Variants in PTPRD observed in about 807,000 individuals in gnomAD.
PTPRD encodes the protein receptor-type tyrosine-protein phosphatase delta.
In PTPRD, 34 loss-of-function variants were observed where a neutral mutation model predicts 214.5. That is an observed-to-expected ratio of 0.16 (90% CI 0.12 to 0.21). The LOEUF (loss-of-function observed/expected upper bound fraction) is 0.21, where lower values mean the gene tolerates loss of function less well. PTPRD is among the 10% of genes least tolerant of loss of function. The pLI, the probability that PTPRD is intolerant of heterozygous loss-of-function variation, is 1.00. For missense variants in PTPRD, 2,545 were observed against 2,398.7 expected (o/e 1.06, Z -1.27); for synonymous variants, 1,128 against 845.7 (o/e 1.33, Z -5.79).
chr9:9,426,804 G>A (rs182098315), intron 8 of PTPRD, among the ~76,000 whole-genome samples: 43 of 152,254 alleles, frequency 2.8e-4, no homozygotes, highest in Non-Finnish European at 4.6e-4. Flanking sequence ...AGGGACTGGA[G>A]TGGACCTCCA....
intron 9 of PTPRD, among the ~76,000 whole-genome samples, chr9:9,258,174 C>T (rs2099978565): frequency 6.6e-6 from 1 of 151,816 alleles, no homozygotes; most frequent in Non-Finnish European, 1.5e-5. Context: ...ATTACGATGG[C>T]TGACAGCTGC....
intron 11 of PTPRD, among the ~76,000 whole-genome samples, chr9:8,794,603 CA>C (rs2096352082): frequency 6.6e-6 from 1 of 151,368 alleles, no homozygotes; most frequent in African/African-American, 2.4e-5. Flanking sequence ...CTTAGCCTCC[CA>C]AGTAGCTGGA....
At chr9:8,381,788 G>C (rs118064470) in intron 37 of PTPRD, among the ~76,000 whole-genome samples, 42 of 152,248 alleles carry the variant, frequency 2.8e-4, no homozygotes, top group Non-Finnish European at 5.7e-4. Context: ...TTTGTTTGAT[G>C]TGTCTGCCAG....
At chr9:9,971,589 T>C (rs2095105958) in intron 4 of PTPRD, among the ~76,000 whole-genome samples, 1 of 152,156 alleles carries the variant, frequency 6.6e-6, no homozygotes, top group African/African-American at 2.4e-5. Flanking sequence ...TTAATTTATG[T>C]TGGATTCTGA....
chr9:9,241,519 G>T (rs1233267004), intron 9 of PTPRD, among the ~76,000 whole-genome samples: 1 of 152,088 alleles, frequency 6.6e-6, no homozygotes, highest in Non-Finnish European at 1.5e-5. Flanking sequence ...AGGCAAGAAA[G>T]CGCACCTTGG....
chr9:10,381,937 A>G (rs2097834233), intron 2 of PTPRD, among the ~76,000 whole-genome samples: 1 of 151,934 alleles, frequency 6.6e-6, no homozygotes, highest in Non-Finnish European at 1.5e-5. Context: ...AATATATTTA[A>G]TTTATATAAA....
At chr9:9,798,059 C>T (rs1043764462) in intron 5 of PTPRD, among the ~76,000 whole-genome samples, 1 of 151,872 alleles carries the variant, frequency 6.6e-6, no homozygotes, top group African/African-American at 2.4e-5. Context: ...AGAATAGCCA[C>T]CAGGGAGAGA....
intron 7 of PTPRD, among the ~76,000 whole-genome samples, chr9:9,581,863 A>G (rs1207279374): frequency 6.6e-6 from 1 of 152,202 alleles, no homozygotes; most frequent in Non-Finnish European, 1.5e-5. Context: ...TTTATTCCAC[A>G]AATATTTACT....
At chr9:9,532,059 A>C (rs948067246) in intron 8 of PTPRD, among the ~76,000 whole-genome samples, 3 of 152,104 alleles carry the variant, frequency 2.0e-5, no homozygotes, top group Non-Finnish European at 4.4e-5. Context: ...TAAATGGTAA[A>C]AATATGAGCA....
At chr9:10,487,978 C>CTCTCTCTCTT (rs1186353670) in intron 2 of PTPRD, among the ~76,000 whole-genome samples, 12 of 147,860 alleles carry the variant, frequency 8.1e-5, no homozygotes, top group Non-Finnish European at 1.5e-4. Context: ...CTCTCTCTCT[C>CTCTCTCTCTT]TCTCTCTCTC....
chr9:9,943,781 T>G (rs1231495535), intron 4 of PTPRD, among the ~76,000 whole-genome samples: 2 of 152,118 alleles, frequency 1.3e-5, no homozygotes, highest in Non-Finnish European at 2.9e-5. Context: ...GCATGCTTGG[T>G]AAGTACAGTA....
chr9:9,864,611 T>C (rs1397595293), intron 5 of PTPRD, among the ~76,000 whole-genome samples: 2 of 152,106 alleles, frequency 1.3e-5, no homozygotes, highest in African/African-American at 4.8e-5. Context: ...CTCGATCTCT[T>C]GGGCTCAAGT....
chr9:9,485,587 C>T (rs955359563), intron 8 of PTPRD, among the ~76,000 whole-genome samples: 1 of 152,106 alleles, frequency 6.6e-6, no homozygotes, highest in East Asian at 1.9e-4. Flanking sequence ...TAGTCTCTTA[C>T]TTAACAAAGA....
At chr9:9,470,041 G>C (rs2094484021) in intron 8 of PTPRD, among the ~76,000 whole-genome samples, 1 of 152,154 alleles carries the variant, frequency 6.6e-6, no homozygotes, top group South Asian at 2.1e-4. Flanking sequence ...AAATGGTAGA[G>C]AATAAAGAGG....
intron 5 of PTPRD, among the ~76,000 whole-genome samples, chr9:9,841,962 T>A (rs1463247844): frequency 6.6e-6 from 1 of 152,076 alleles, no homozygotes; most frequent in Non-Finnish European, 1.5e-5. Flanking sequence ...CATTTTTTTT[T>A]ATCTTTGCTA....
At chr9:8,671,951 T>A (rs1296776792) in intron 12 of PTPRD, among the ~76,000 whole-genome samples, 1 of 152,184 alleles carries the variant, frequency 6.6e-6, no homozygotes, top group Non-Finnish European at 1.5e-5. Flanking sequence ...CATACTCAAA[T>A]ATTCATCAGG....
intron 7 of PTPRD, among the ~76,000 whole-genome samples, chr9:9,702,214 A>G (rs1189442046): frequency 1.3e-5 from 2 of 152,204 alleles, no homozygotes; most frequent in Admixed American, 1.3e-4. Flanking sequence ...TGGGAGTCAT[A>G]TGAACGAAGA....
chr9:9,826,095 G>C (rs1423854582), intron 5 of PTPRD, among the ~76,000 whole-genome samples: 1 of 151,634 alleles, frequency 6.6e-6, no homozygotes, highest in African/African-American at 2.4e-5. Flanking sequence ...ACTCCTGCTT[G>C]TATGTTGGTC....
At chr9:9,735,747 A>G (rs1564860116) in intron 6 of PTPRD, among the ~76,000 whole-genome samples, 3 of 152,126 alleles carry the variant, frequency 2.0e-5, no homozygotes, top group Non-Finnish European at 2.9e-5. Flanking sequence ...TCAAAGATGT[A>G]AAACGGATGA....
Sources: gnomAD v4.1 joint callset for allele counts (sites outside exome capture counted in the v4.1 genomes callset) on GRCh38, gnomAD v4.1.1 for gene constraint, MANE v1.5 for transcripts, NCBI Gene and HGNC (gene_info 2026-07-23, HGNC 2026-07-21) for gene names.